The following MEGF11 variants were observed in gnomAD, a reference collection of about 807,000 sequenced individuals.
MEGF11 encodes multiple EGF like domains 11.
Under a neutral mutation model 146.6 loss-of-function variants are expected in MEGF11, and 126 were observed. The ratio of observed to expected loss-of-function variants is 0.86; its 90% confidence interval spans 0.74 to 1.00. The LOEUF is 1.00. Ranked by LOEUF, MEGF11 falls within the 50% of genes least tolerant of loss-of-function variation. MEGF11 has a pLI of 0.00. For synonymous variants in MEGF11, 532 were observed against 583.4 expected, an observed-to-expected ratio of 0.91 and a Z score of 1.27; for missense variants, 1,509 against 1,521.2, an observed-to-expected ratio of 0.99 and a Z score of 0.13.
intron 9 of MEGF11, among the ~76,000 whole-genome samples, chr15:65,958,275 A>G (rs980707433): frequency 2.6e-5 from 4 of 152,204 alleles, no homozygotes; most frequent in African/African-American, 7.2e-5. Flanking sequence ...AGCAACCCCA[A>G]CCTACGCTTT....
intron 4 of MEGF11, among the ~76,000 whole-genome samples, chr15:66,114,659 A>AAGGC (rs1474270507): frequency 6.8e-6 from 1 of 146,454 alleles, no homozygotes; most frequent in Non-Finnish European, 1.5e-5. Context: ...GGGAGGGAGG[A>AAGGC]AGGCAGGCAG....
intron 1 of MEGF11, among the ~76,000 whole-genome samples, chr15:66,192,923 G>A (rs1049372282): frequency 6.6e-6 from 1 of 152,240 alleles, no homozygotes; most frequent in African/African-American, 2.4e-5. Flanking sequence ...CATGGCAGTG[G>A]CAGTGGTGTG....
chr15:66,020,431 G>A (rs976902484), intron 5 of MEGF11, among the ~76,000 whole-genome samples: 1 of 152,190 alleles, frequency 6.6e-6, no homozygotes, highest in African/African-American at 2.4e-5. Flanking sequence ...TGGTGTGGCT[G>A]GGCCTGAAGC....
At position 65,913,875 on chromosome 15, in the gene MEGF11, G is replaced by A. The variant is rs1457235155; in HGVS notation, c.2572C>T (p.Leu858=). The A allele has an allele frequency of 1.9e-6, 3 of 1,613,918 alleles. No homozygotes were observed. The highest frequency in any genetic ancestry group is 2.2e-5 in the South Asian group (2 of 91,086). ...SVGAVTGIML[L]LFLIVVLLGL... is the part of the protein sequence containing the mutation. Reference sequence around the variant, plus strand: ...AGCAGCACCACAATGAGGAATAACAGGAGCATGATGCCTGTGACAGCACCC... The same window carrying A: ...AGCAGCACCACAATGAGGAATAACAAGAGCATGATGCCTGTGACAGCACCC... Residue 858 remains leucine, a synonymous_variant, in exon 20 of 26, where the codon CTG becomes TTG. Coordinates refer to ENST00000395614, the MANE Select transcript of MEGF11 (RefSeq NM_001385028.1).
intron 5 of MEGF11, among the ~76,000 whole-genome samples, chr15:66,000,592 TA>T (rs2082337493): frequency 6.6e-6 from 1 of 152,008 alleles, no homozygotes; most frequent in Admixed American, 6.5e-5. Context: ...TTCCCCACTG[TA>T]TACACAATCC....
chr15:66,213,621 C>T (rs953722872), intron 1 of MEGF11, among the ~76,000 whole-genome samples: 19 of 150,588 alleles, frequency 1.3e-4, no homozygotes, highest in African/African-American at 3.9e-4. Flanking sequence ...CTCGCCATGT[C>T]GCCCAGGCTG....
intron 10 of MEGF11, among the ~76,000 whole-genome samples, chr15:65,949,259 A>G (rs1176609500): frequency 6.6e-6 from 1 of 152,142 alleles, no homozygotes; most frequent in Non-Finnish European, 1.5e-5. Context: ...GGACATTGGA[A>G]ACCTTGGAGG....
intron 1 of MEGF11, among the ~76,000 whole-genome samples, chr15:66,139,009 T>A (rs1195968006): frequency 6.6e-6 from 1 of 152,156 alleles, no homozygotes; most frequent in Non-Finnish European, 1.5e-5. Flanking sequence ...GAACTGAAGG[T>A]GAATTTCAGT....
intron 5 of MEGF11, among the ~76,000 whole-genome samples, chr15:66,007,113 G>C (rs2082543530): frequency 6.6e-6 from 1 of 152,218 alleles, no homozygotes; most frequent in South Asian, 2.1e-4. Context: ...CACCGTGCCA[G>C]CACTGAGTGT....
intron 5 of MEGF11, among the ~76,000 whole-genome samples, chr15:66,047,011 C>T (rs3852627): frequency 0.092 from 13,979 of 152,248 alleles, 1,420 homozygotes; most frequent in African/African-American, 0.25. Flanking sequence ...AATCAATACA[C>T]ACAGATTTCA....
At chr15:65,920,124 T>C (rs1192270509) in intron 15 of MEGF11, among the ~76,000 whole-genome samples, 2 of 152,228 alleles carry the variant, frequency 1.3e-5, no homozygotes, top group Non-Finnish European at 2.9e-5. Context: ...TAGGAAGTTG[T>C]ACTGCTTGCT....
At chr15:65,999,096 A>C (rs2082283480) in intron 5 of MEGF11, among the ~76,000 whole-genome samples, 1 of 150,202 alleles carries the variant, frequency 6.7e-6, no homozygotes, top group Non-Finnish European at 1.5e-5. Context: ...CTAGGCTGGC[A>C]CACAGTGGCA....
At chr15:65,912,423 C>G (rs894651179) in intron 20 of MEGF11, 11 of 344,802 alleles carry the variant, frequency 3.2e-5, no homozygotes, top group African/African-American at 6.3e-5. Flanking sequence ...ATGCAGAATG[C>G]AGGATAGGCT....
chr15:66,030,508 C>T (rs969635936), intron 5 of MEGF11, among the ~76,000 whole-genome samples: 1 of 152,194 alleles, frequency 6.6e-6, no homozygotes, highest in Non-Finnish European at 1.5e-5. Context: ...CTCTCGAGTT[C>T]AAGTGATTCT....
At chr15:66,196,171 G>A (rs1258605878) in intron 1 of MEGF11, among the ~76,000 whole-genome samples, 1 of 152,054 alleles carries the variant, frequency 6.6e-6, no homozygotes, top group Non-Finnish European at 1.5e-5. Context: ...CATGGTGCAG[G>A]CCCATATTCA....
chr15:65,924,374 G>A (rs971907912), intron 13 of MEGF11, among the ~76,000 whole-genome samples: 1 of 82,920 alleles, frequency 1.2e-5, no homozygotes, highest in African/African-American at 5.7e-5. Flanking sequence ...GGGTGTGGGT[G>A]GGGGGGGGGG....
chr15:66,171,877 T>G (rs969963091), intron 1 of MEGF11, among the ~76,000 whole-genome samples: 2 of 152,094 alleles, frequency 1.3e-5, no homozygotes, highest in African/African-American at 4.8e-5. Flanking sequence ...CCCTCATCTT[T>G]CTTGGTTAAG....
chr15:65,935,416 T>C (rs1242543698), intron 10 of MEGF11, among the ~76,000 whole-genome samples: 1 of 138,188 alleles, frequency 7.2e-6, no homozygotes, highest in Admixed American at 7.4e-5. Context: ...GGGTGAGCAG[T>C]CTTGGGGCCT....
At chr15:66,194,682 G>A (rs1381063287) in intron 1 of MEGF11, among the ~76,000 whole-genome samples, 1 of 151,470 alleles carries the variant, frequency 6.6e-6, no homozygotes. Context: ...GGGAGGGGGA[G>A]GGGGAGGGAT....
Sources: gnomAD v4.1 joint callset for allele counts (sites outside exome capture counted in the v4.1 genomes callset) on GRCh38, gnomAD v4.1.1 for gene constraint, MANE v1.5 for transcripts, NCBI Gene and HGNC (gene_info 2026-07-23, HGNC 2026-07-21) for gene names.